Variants in FNBP1 observed in about 807,000 individuals in gnomAD.
FNBP1 encodes formin-binding protein 1.
FNBP1 carries 26 observed loss-of-function variants against 90.6 expected under a neutral mutation model. The ratio of observed to expected loss-of-function variants is 0.29; its 90% CI spans 0.21 to 0.40. The LOEUF is 0.40. Among genes scored for constraint, FNBP1 ranks in the 10% least tolerant of loss-of-function variants. The pLI is 1.00. For synonymous variants in FNBP1, 260 were observed against 265.2 expected, an observed-to-expected ratio of 0.98 and a Z score of 0.19; for missense variants, 635 against 768.0, an observed-to-expected ratio of 0.83 and a Z score of 2.05.
intron 1 of FNBP1, among the ~76,000 whole-genome samples, chr9:130,037,536 T>A (rs940238012): frequency 6.6e-6 from 1 of 152,066 alleles, no homozygotes; most frequent in Non-Finnish European, 1.5e-5. Context: ...GGGAAAAAAA[T>A]TCAACACACT....
chr9:129,949,788 T>C (rs1315123009), intron 6 of FNBP1, among the ~76,000 whole-genome samples: 2 of 150,164 alleles, frequency 1.3e-5, no homozygotes, highest in African/African-American at 4.9e-5. Context: ...GTGGTTTCAA[T>C]CCATATCTGG....
At chr9:130,007,431 C>A (rs2131592663) in intron 1 of FNBP1, among the ~76,000 whole-genome samples, 1 of 152,126 alleles carries the variant, frequency 6.6e-6, no homozygotes. Context: ...CAGCGGTGCT[C>A]TGAGCCAAAT....
chr9:129,982,352 T>A lies in FNBP1; in HGVS notation c.141-2978A>T, dbSNP rs555369493. 2.0e-5 allele frequency among the ~76,000 whole-genome samples: 3 copies of A among 152,126 alleles called. No individual in the cohort carries two copies. In the South Asian group the frequency reaches 6.2e-4, roughly 32 times the overall value. On this transcript the variant is annotated intron_variant, in intron 2 of 16. Transcript: ENST00000446176. ...TGGGCATGGTGGCGCATGCCTGTAA[T>A]CCAAACTACTTGGGAGGCTGGGGCA...
At chr9:129,983,148 G>A (rs2051556471) in intron 2 of FNBP1, among the ~76,000 whole-genome samples, 1 of 152,080 alleles carries the variant, frequency 6.6e-6, no homozygotes, top group South Asian at 2.1e-4. Flanking sequence ...TCTAGTTGAA[G>A]GAAGCCTTAC....
In FNBP1 at chr9:129,928,660, C is replaced by T. The variant is rs1285871352; in HGVS notation, c.642+907G>A. ...TGGGTGACAGAGCAAGACTCCATCT[C>T]AAAAAAAAAAAAGAAAAAAAGAAAA... On this transcript the variant is annotated intron_variant, in intron 7 of 16. Transcript: ENST00000446176. 1.9e-4 allele frequency among the ~76,000 whole-genome samples: 18 copies of T among 96,010 alleles called. No individual in the cohort carries two copies. In the Admixed American group the frequency reaches 2.1e-3, roughly 11 times the overall value. 63.0% of individuals were successfully genotyped at this position (96,010 alleles called of 152,430 possible).
chr9:129,955,535 C>CAAA (rs879542398), intron 6 of FNBP1, among the ~76,000 whole-genome samples: 3 of 124,034 alleles, frequency 2.4e-5, no homozygotes, highest in African/African-American at 8.9e-5. Flanking sequence ...TACACCACAC[C>CAAA]AAAAAAAAAA....
chr9:130,026,753 G>A (rs2058375866), intron 1 of FNBP1, among the ~76,000 whole-genome samples: 2 of 151,992 alleles, frequency 1.3e-5, no homozygotes, highest in South Asian at 2.1e-4. Context: ...AGGAGTTTGA[G>A]ACCAACCTGG....
At chr9:130,018,959 T>C (rs1029174287) in intron 1 of FNBP1, among the ~76,000 whole-genome samples, 1 of 152,056 alleles carries the variant, frequency 6.6e-6, no homozygotes, top group Admixed American at 6.6e-5. Flanking sequence ...GCACAGAGAC[T>C]CACGCCTGTA....
intron 6 of FNBP1, among the ~76,000 whole-genome samples, chr9:129,950,276 T>C (rs534079142): frequency 4.8e-4 from 73 of 152,330 alleles, no homozygotes; most frequent in South Asian, 1.9e-3. Context: ...TGTTTAGACA[T>C]TGCTGCTCCC....
chr9:129,983,539 G>A (rs1251088310), intron 2 of FNBP1, among the ~76,000 whole-genome samples: 3 of 152,158 alleles, frequency 2.0e-5, no homozygotes, highest in Non-Finnish European at 2.9e-5. Flanking sequence ...AACACGGTTC[G>A]TTCAGGCGCG....
intron 15 of FNBP1, among the ~76,000 whole-genome samples, chr9:129,899,203 G>A (rs148215074): frequency 1.3e-5 from 2 of 151,100 alleles, no homozygotes; most frequent in Non-Finnish European, 2.9e-5. Flanking sequence ...TCAGCCTCCC[G>A]AGCAGCTGGG....
chr9:129,890,592 G>C lies in FNBP1; in HGVS notation c.1847-46C>G. On this transcript the variant is annotated intron_variant, in intron 16 of 16. Coordinates refer to ENST00000446176, the MANE Select transcript of FNBP1 (RefSeq NM_015033.3). This position sits in a 1 kb window ranked among gnomAD's most constrained non-coding sequence, Gnocchi z 5.8. ...GAAAGAGAAACTCTCTGTTAGAGAG[G>C]AAGGCGCGGGTTCCAGGCGGGCATT... The C allele has an allele frequency of 7.0e-7, 1 of 1,428,430 alleles. No homozygotes were observed. The highest frequency in any genetic ancestry group is 1.4e-5 in the African/African-American group (1 of 69,380). The allele number at this position is 1,428,430 out of a possible 1,614,324, so 88.5% of individuals were successfully genotyped here.
chr9:129,899,350 T>C (rs1233613724), intron 15 of FNBP1, among the ~76,000 whole-genome samples: 1 of 151,950 alleles, frequency 6.6e-6, no homozygotes, highest in African/African-American at 2.4e-5. Flanking sequence ...AGTTCTAGGA[T>C]TACAGGTGTG....
At chr9:130,051,753 A>G in the FNBP1 span, among the ~76,000 whole-genome samples, 3 of 152,180 alleles carry the variant, frequency 2.0e-5, no homozygotes, top group African/African-American at 4.8e-5. Context: ...TGGAGACTAC[A>G]GTGAACAGAT....
chr9:129,894,306 C>T (rs892393639), intron 16 of FNBP1, among the ~76,000 whole-genome samples: 1 of 152,132 alleles, frequency 6.6e-6, no homozygotes, highest in Non-Finnish European at 1.5e-5. Context: ...ACCAACTTCA[C>T]TATCTCCCCT....
chr9:129,939,207 G>A (rs1290418961), intron 6 of FNBP1, among the ~76,000 whole-genome samples: 1 of 151,996 alleles, frequency 6.6e-6, no homozygotes, highest in African/African-American at 2.4e-5. Flanking sequence ...TGACCAATAT[G>A]ATGAAACCCC....
At chr9:129,908,262 G>A (rs1183512528) in intron 12 of FNBP1, among the ~76,000 whole-genome samples, 1 of 147,564 alleles carries the variant, frequency 6.8e-6, no homozygotes, top group Non-Finnish European at 1.5e-5. Context: ...GGAGTGCAGT[G>A]GCATGATCAT....
In FNBP1 at chr9:129,941,770, G is replaced by A. The variant is rs528763698; in HGVS notation, c.514-12075C>T. On this transcript the variant is annotated intron_variant, in intron 6 of 16. Transcript: ENST00000446176. ...ATAAGCCACCACACCTGGCCTGAAT[G>A]ATATTTTTTAAAAGTTTAGGCTGGG... Among the ~76,000 whole-genome samples, 14 of 152,094 alleles carry A rather than the reference G, an allele frequency of 9.2e-5. 1 individual carries two copies. The South Asian group carries it at 2.9e-3, about 32-fold the overall frequency.
At chr9:129,913,025 T>C (rs1180689954) in intron 11 of FNBP1, among the ~76,000 whole-genome samples, 4 of 152,130 alleles carry the variant, frequency 2.6e-5, no homozygotes, top group Middle Eastern at 3.4e-3. Flanking sequence ...AAGACCAGCC[T>C]GGCCAACATG....
Sources: gnomAD v4.1 joint callset for allele counts (sites outside exome capture counted in the v4.1 genomes callset) on GRCh38, gnomAD v4.1.1 for gene constraint, Gnocchi (gnomAD v3.1) non-coding constraint, MANE v1.5 for transcripts, NCBI Gene and HGNC (gene_info 2026-07-23, HGNC 2026-07-21) for gene names.